ARHGAP42: variants seen among roughly 807,000 people sequenced by gnomAD.
ARHGAP42 encodes the protein rho GTPase-activating protein 42.
In ARHGAP42, 63 loss-of-function variants were observed where a neutral mutation model predicts 125.0. That is an observed-to-expected ratio of 0.50 (90% CI 0.41 to 0.62). ARHGAP42 has a LOEUF of 0.62. Among genes scored for constraint, ARHGAP42 ranks in the 20% least tolerant of loss-of-function variants. ARHGAP42 has a pLI of 0.00. For missense variants in ARHGAP42, 766 were observed against 1,024.2 expected (o/e 0.75, Z 3.44); for synonymous variants, 339 against 351.0 (o/e 0.97, Z 0.38).
At chr11:100,714,370 A>T (rs1222788702) in intron 1 of ARHGAP42, among the ~76,000 whole-genome samples, 1 of 147,014 alleles carries the variant, frequency 6.8e-6, no homozygotes, top group African/African-American at 2.6e-5. Flanking sequence ...AGGTTCACTT[A>T]CATGTAAAAC....
At chr11:100,851,376 T>G (rs1020137060) in intron 3 of ARHGAP42, among the ~76,000 whole-genome samples, 2 of 152,226 alleles carry the variant, frequency 1.3e-5, no homozygotes, top group African/African-American at 4.8e-5. Flanking sequence ...ATACATGATA[T>G]TGATCCCATA....
intron 3 of ARHGAP42, among the ~76,000 whole-genome samples, chr11:100,843,349 C>G (rs2135115742): frequency 6.6e-6 from 1 of 151,934 alleles, no homozygotes; most frequent in Non-Finnish European, 1.5e-5. Flanking sequence ...AAAAAAAGTC[C>G]AGGAACAGAT....
chr11:100,835,337 G>A (rs780265737), intron 3 of ARHGAP42, among the ~76,000 whole-genome samples: 23 of 152,062 alleles, frequency 1.5e-4, no homozygotes, highest in Non-Finnish European at 2.9e-4. Flanking sequence ...CATGCACGTC[G>A]TAATCTCCTA....
chr11:100,823,236 A>G (rs1284021771), intron 3 of ARHGAP42, among the ~76,000 whole-genome samples: 3 of 152,156 alleles, frequency 2.0e-5, no homozygotes, highest in Admixed American at 6.5e-5. Context: ...GAATCAACAT[A>G]TTCCTTTTAG....
At chr11:100,906,764 T>C (rs1286342251) in intron 4 of ARHGAP42, among the ~76,000 whole-genome samples, 1 of 152,238 alleles carries the variant, frequency 6.6e-6, no homozygotes, top group African/African-American at 2.4e-5. Flanking sequence ...TTTCTGTAAA[T>C]TATGTTGTTT....
At chr11:100,981,123 G>A (rs1011671274) in intron 22 of ARHGAP42, among the ~76,000 whole-genome samples, 4 of 152,194 alleles carry the variant, frequency 2.6e-5, no homozygotes, top group Non-Finnish European at 5.9e-5. Flanking sequence ...AGTTACCAAT[G>A]TTGGGGAATC....
At chr11:100,840,702 A>C (rs765876250) in intron 3 of ARHGAP42, 2 of 152,184 alleles carry the variant, frequency 1.3e-5, no homozygotes, top group Non-Finnish European at 2.9e-5. Context: ...TTAGCATTCC[A>C]ATATTTTTAT....
chr11:100,939,900 G>A (rs1340757222), intron 8 of ARHGAP42, among the ~76,000 whole-genome samples: 2 of 152,118 alleles, frequency 1.3e-5, no homozygotes. Context: ...CATTGCAGCA[G>A]CTATATTTTA....
intron 1 of ARHGAP42, among the ~76,000 whole-genome samples, chr11:100,757,058 A>G (rs899347425): frequency 6.6e-6 from 1 of 152,250 alleles, no homozygotes; most frequent in Non-Finnish European, 1.5e-5. Flanking sequence ...CCATGTAAAT[A>G]TATAATACAT....
chr11:100,927,800 G>A (rs1867467572), intron 6 of ARHGAP42, among the ~76,000 whole-genome samples: 1 of 152,116 alleles, frequency 6.6e-6, no homozygotes. Context: ...CAGTGCTGAG[G>A]CGATGCATGG....
At position 100,936,199 on chromosome 11, in the gene ARHGAP42, T is replaced by C. The variant is rs955303669; in HGVS notation, c.703-4T>C. ...ACTGAAATTATTGTTTCTGTTTACTTAAGACAAGGAATAATTTTGAAAGTA... is the reference window on the plus strand; with the variant it reads ...ACTGAAATTATTGTTTCTGTTTACTCAAGACAAGGAATAATTTTGAAAGTA... On this transcript the variant is annotated splice_polypyrimidine_tract_variant and splice_region_variant and intron_variant, in intron 7 of 23. Coordinates refer to ENST00000298815, the MANE Select transcript of ARHGAP42 (RefSeq NM_152432.4). 4 of 1,551,274 alleles carry C rather than the reference T, an allele frequency of 2.6e-6. No homozygotes were observed. The highest frequency in any genetic ancestry group is 2.0e-5 in the Admixed American group (1 of 50,960).
intron 6 of ARHGAP42, among the ~76,000 whole-genome samples, chr11:100,923,760 T>G (rs1867344930): frequency 6.6e-6 from 1 of 152,140 alleles, no homozygotes; most frequent in African/African-American, 2.4e-5. Flanking sequence ...TTATATTTGT[T>G]CTTCTTCCAA....
intron 22 of ARHGAP42, among the ~76,000 whole-genome samples, chr11:100,986,697 T>G (rs115823659): frequency 0.023 from 3,503 of 152,260 alleles, 134 homozygotes; most frequent in African/African-American, 0.079. Flanking sequence ...TTGGGATCAG[T>G]TGCAAGTCTT....
At position 100,848,371 on chromosome 11, in the gene ARHGAP42, T is replaced by G. The variant is rs185901803; in HGVS notation, c.313-11183T>G. Among the ~76,000 whole-genome samples the G allele has an allele frequency of 9.7e-3, 1,482 of 152,240 alleles. 6 individuals carry two copies. The highest frequency in any genetic ancestry group is 0.015 in the Non-Finnish European group (1,037 of 68,004). On this transcript the variant is annotated intron_variant, in intron 3 of 23. Coordinates refer to ENST00000298815, the MANE Select transcript of ARHGAP42 (RefSeq NM_152432.4). ...TACAAACCGGATGTGATTATCGACA[T>G]TATGTTTTGTTGTTAGGATTCTGTG... is the stretch of plus-strand genomic sequence containing the variant.
Position 100,754,072 on chromosome 11 carries a change from G to A in ARHGAP42, c.155-16271G>A, listed in dbSNP as rs1020092739. ...ATGGCCCCAGAAGATTATTTAAATT[G>A]TAAATCTTTAACTTTAATTCCCATT... On this transcript the variant is annotated intron_variant, in intron 1 of 23. Coordinates refer to ENST00000298815, the MANE Select transcript of ARHGAP42 (RefSeq NM_152432.4). Among the ~76,000 whole-genome samples the A allele has an allele frequency of 1.9e-4, 29 of 152,174 alleles. 2 individuals carry two copies. The highest frequency in any genetic ancestry group is 6.8e-4 in the African/African-American group (28 of 41,436).
At chr11:100,708,805 G>A (rs1655095580) in intron 1 of ARHGAP42, among the ~76,000 whole-genome samples, 1 of 152,110 alleles carries the variant, frequency 6.6e-6, no homozygotes, top group Non-Finnish European at 1.5e-5. Flanking sequence ...GTCAGAAACT[G>A]AGGATAGTAA....
chr11:100,937,029 T>C lies in ARHGAP42; in HGVS notation c.832+697T>C, dbSNP rs111515585. On this transcript the variant is annotated intron_variant, in intron 8 of 23. Transcript: ENST00000298815. ...GTGAAGAAACAGTTGTGTGTGAGTT[T>C]CCAGCCCATCGTGGACCAATGTGAA... Among the ~76,000 whole-genome samples the C allele has an allele frequency of 7.7e-3, 1,176 of 152,342 alleles. 19 individuals are homozygous for C. The highest frequency in any genetic ancestry group is 0.027 in the African/African-American group (1,125 of 41,578).
chr11:100,716,021 G>A (rs964143377), intron 1 of ARHGAP42, among the ~76,000 whole-genome samples: 2 of 152,164 alleles, frequency 1.3e-5, no homozygotes, highest in Non-Finnish European at 2.9e-5. Context: ...CAGCACTGAA[G>A]CAGAAATGAA....
chr11:100,814,170 G>A (rs1864210578), intron 3 of ARHGAP42, among the ~76,000 whole-genome samples: 2 of 151,682 alleles, frequency 1.3e-5, no homozygotes, highest in South Asian at 4.2e-4. Flanking sequence ...TCCAGCCTGG[G>A]CATCAGTGCG....
Sources: allele counts gnomAD v4.1 joint callset (sites outside exome capture counted in the v4.1 genomes callset), GRCh38; gene constraint gnomAD v4.1.1; transcripts MANE v1.5; gene names NCBI Gene and HGNC (gene_info 2026-07-23, HGNC 2026-07-21).